The following CALD1 variants were observed in gnomAD, a reference collection of about 807,000 sequenced individuals.
CALD1 encodes caldesmon 1, also known as caldesmon.
CALD1 carries 33 observed loss-of-function variants against 99.9 expected under a neutral mutation model. The observed-to-expected ratio is 0.33, with a 90% confidence interval of 0.25 to 0.44. CALD1 has a LOEUF of 0.44. CALD1 is among the 20% of genes least tolerant of loss of function. CALD1 has a pLI of 1.00. For synonymous variants in CALD1, 310 were observed against 325.0 expected, an observed-to-expected ratio of 0.95 and a Z score of 0.50; for missense variants, 861 against 962.1, an observed-to-expected ratio of 0.89 and a Z score of 1.39.
intron 14 of CALD1, 94 bp downstream of exon 14, chr7:134,965,480 C>A: frequency 1.4e-6 from 1 of 740,442 alleles, no homozygotes; most frequent in South Asian, 1.5e-5. Context: ...ATATCACTGA[C>A]CTACAGATCT....
intron 1 of CALD1, among the ~76,000 whole-genome samples, chr7:134,766,707 A>G (rs1349249207): frequency 6.6e-6 from 1 of 152,146 alleles, no homozygotes; most frequent in East Asian, 1.9e-4. Flanking sequence ...GCCCATGTTT[A>G]GGGAAAAGAA....
At chr7:134,771,645 C>T (rs1309279492) in intron 1 of CALD1, among the ~76,000 whole-genome samples, 1 of 152,070 alleles carries the variant, frequency 6.6e-6, no homozygotes, top group East Asian at 1.9e-4. Context: ...CTGCCTCAAA[C>T]TCTTCCAATG....
intron 1 of CALD1, among the ~76,000 whole-genome samples, chr7:134,754,585 G>C (rs1034934619): frequency 6.6e-6 from 1 of 152,150 alleles, no homozygotes; most frequent in Non-Finnish European, 1.5e-5. Flanking sequence ...CGGAAGGACT[G>C]CTTGACATAC....
chr7:134,735,475 G>C, the CALD1 span, among the ~76,000 whole-genome samples: 1 of 152,038 alleles, frequency 6.6e-6, no homozygotes, highest in African/African-American at 2.4e-5. Context: ...TGGTGAGTGT[G>C]TGTGTATCAT....
chr7:134,908,604 C>A (rs1803572166), intron 3 of CALD1, among the ~76,000 whole-genome samples: 1 of 152,134 alleles, frequency 6.6e-6, no homozygotes, highest in South Asian at 2.1e-4. Context: ...CTAGATCAGA[C>A]CTCGAGCAGG....
intron 2 of CALD1, among the ~76,000 whole-genome samples, chr7:134,850,188 C>T (rs1197534295): frequency 6.6e-6 from 1 of 152,204 alleles, no homozygotes; most frequent in African/African-American, 2.4e-5. Context: ...CGGAACCTAA[C>T]ATCAAGCAGG....
intron 2 of CALD1, among the ~76,000 whole-genome samples, chr7:134,850,468 G>A (rs1326831427): frequency 1.3e-5 from 2 of 152,164 alleles, no homozygotes; most frequent in Admixed American, 6.5e-5. Context: ...CTGGGCCTCT[G>A]TCTTTTCATC....
intron 1 of CALD1, among the ~76,000 whole-genome samples, chr7:134,837,913 T>A (rs1466463355): frequency 6.6e-6 from 1 of 152,240 alleles, no homozygotes; most frequent in African/African-American, 2.4e-5. Context: ...TAGAGTTCTA[T>A]GTGACCCATA....
intron 1 of CALD1, among the ~76,000 whole-genome samples, chr7:134,838,140 TATC>T (rs1365759122): frequency 6.6e-6 from 1 of 152,194 alleles, no homozygotes; most frequent in African/African-American, 2.4e-5. Context: ...CCTAACATAT[TATC>T]ATATTAATAC....
rs572410213 is a variant in CALD1 at position 134,911,629 on chromosome 7, G to A, written c.72-17125G>A. On this transcript the variant is annotated intron_variant, in intron 3 of 14. Coordinates refer to ENST00000361675, the MANE Select transcript of CALD1 (RefSeq NM_033138.4). Reference sequence around the variant, plus strand: ...AAAACTTTTAAGTCTTGGAGTATTTGGCCTTTCCATGTTCTGATTTAGATG... The same window carrying A: ...AAAACTTTTAAGTCTTGGAGTATTTAGCCTTTCCATGTTCTGATTTAGATG... Among the ~76,000 whole-genome samples the A allele has an allele frequency of 3.9e-5, 6 of 152,206 alleles. No homozygotes were observed. In the South Asian group the frequency reaches 1.0e-3, roughly 26 times the overall value.
intron 3 of CALD1, among the ~76,000 whole-genome samples, chr7:134,873,330 G>A (rs1015574163): frequency 1.3e-5 from 2 of 151,810 alleles, no homozygotes; most frequent in Admixed American, 6.6e-5. Context: ...CCTCTTCCCC[G>A]GTCCACGTGC....
chr7:134,932,958 G>T lies in CALD1; in HGVS notation c.219-30G>T, dbSNP rs143238463. On this transcript the variant is annotated intron_variant, in intron 4 of 14. Transcript: ENST00000361675. ...CTGCTGACTGATGAATGAGCAAGCTGTCTTTGGTGTTGTTCTTTCTGTTGT... is the reference window on the plus strand; with the variant it reads ...CTGCTGACTGATGAATGAGCAAGCTTTCTTTGGTGTTGTTCTTTCTGTTGT... 5.1e-5 allele frequency: 76 copies of T among 1,482,076 alleles called. No individual in the cohort carries two copies. In the African/African-American group the frequency reaches 9.9e-4, roughly 19 times the overall value. 91.8% of individuals were successfully genotyped at this position (1,482,076 alleles called of 1,614,324 possible). A position where few individuals can be genotyped will look rare whatever the true frequency, so the allele number is the denominator to read the frequency against.
intron 1 of CALD1, among the ~76,000 whole-genome samples, chr7:134,805,144 C>G (rs1798087166): frequency 6.6e-6 from 1 of 152,254 alleles, no homozygotes; most frequent in East Asian, 1.9e-4. Flanking sequence ...TGGGCCTGTT[C>G]AATCCAGAAA....
chr7:134,938,738 T>C (rs943661304), intron 6 of CALD1, among the ~76,000 whole-genome samples: 2 of 152,172 alleles, frequency 1.3e-5, no homozygotes, highest in African/African-American at 2.4e-5. Context: ...CATTATTACA[T>C]TGACAAGGTT....
intron 1 of CALD1, among the ~76,000 whole-genome samples, chr7:134,755,105 A>C (rs1160576458): frequency 6.6e-6 from 1 of 152,062 alleles, no homozygotes; most frequent in Non-Finnish European, 1.5e-5. Context: ...GGTTCAAGCT[A>C]TTCTCCTGCC....
chr7:134,756,091 ATGTTGGC>A (rs1796725398), intron 1 of CALD1, among the ~76,000 whole-genome samples: 3 of 151,856 alleles, frequency 2.0e-5, no homozygotes, highest in Non-Finnish European at 4.4e-5. Flanking sequence ...GGGTTTCACT[ATGTTGGC>A]CAGACTCGTC....
intron 8 of CALD1, among the ~76,000 whole-genome samples, chr7:134,949,597 T>C (rs373353648): frequency 4.6e-5 from 7 of 152,290 alleles, no homozygotes; most frequent in African/African-American, 1.7e-4. Flanking sequence ...TCACCTCTTG[T>C]ACCATCTGGC....
intron 13 of CALD1, among the ~76,000 whole-genome samples, chr7:134,964,145 C>T (rs891351700): frequency 1.2e-4 from 18 of 152,092 alleles, no homozygotes; most frequent in Non-Finnish European, 1.3e-4. Context: ...TGCAGTGAGC[C>T]GAGATTGCGC....
chr7:134,938,761 C>A (rs1241906048), intron 6 of CALD1, among the ~76,000 whole-genome samples: 1 of 151,940 alleles, frequency 6.6e-6, no homozygotes, highest in African/African-American at 2.4e-5. Context: ...TAAGGTTTTC[C>A]AAAAAGAATA....
Sources: gnomAD v4.1 joint callset for allele counts (sites outside exome capture counted in the v4.1 genomes callset) on GRCh38, gnomAD v4.1.1 for gene constraint, MANE v1.5 for transcripts, NCBI Gene and HGNC (gene_info 2026-07-23, HGNC 2026-07-21) for gene names.